PASD1: variants seen among roughly 807,000 people sequenced by gnomAD.
PASD1 encodes PAS domain containing repressor 1.
PASD1 carries 13 observed loss-of-function variants against 58.8 expected under a neutral mutation model. That is an observed-to-expected ratio of 0.22 (90% CI 0.14 to 0.35). The LOEUF is 0.35. PASD1 is among the 10% of genes least tolerant of loss of function. The pLI, the probability that PASD1 is intolerant of heterozygous loss-of-function variation, is 1.00. For missense variants in PASD1, 734 were observed against 568.3 expected (o/e 1.29, Z -2.96); for synonymous variants, 236 against 216.7 (o/e 1.09, Z -0.78).
At chrX:151,625,952 A>T (rs1467053105) in intron 8 of PASD1, among the ~76,000 whole-genome samples, 1 of 111,710 alleles carries the variant, frequency 9.0e-6, no homozygotes, top group Non-Finnish European at 1.9e-5. Context: ...GTCTCTAAAT[A>T]AATAAATAAA....
intron 8 of PASD1, among the ~76,000 whole-genome samples, chrX:151,627,548 G>A (rs1181513957): frequency 9.0e-6 from 1 of 111,630 alleles, no homozygotes; most frequent in Non-Finnish European, 1.9e-5. Context: ...TCTTTTTTAT[G>A]GCTGCATGGT....
chrX:151,625,789 C>CA (rs757318667), intron 8 of PASD1, among the ~76,000 whole-genome samples: 101 of 110,235 alleles, frequency 9.2e-4, no homozygotes, highest in African/African-American at 2.7e-3. Flanking sequence ...ACAAAAAATA[C>CA]AAAAAAAATT....
intron 9 of PASD1, among the ~76,000 whole-genome samples, chrX:151,656,074 T>G (rs1272428517): frequency 8.9e-6 from 1 of 112,143 alleles, no homozygotes; most frequent in African/African-American, 3.2e-5. Flanking sequence ...TCAACATATG[T>G]CTAGCCAGTT....
rs1602973269 is a variant in PASD1 at position 151,676,129 on chromosome X, A to G, written c.2308A>G (p.Asn770Asp). 8.3e-7 allele frequency: 1 copy of G among 1,209,550 alleles called. No individual in the cohort carries two copies. Among genetic ancestry groups the G allele is most frequent in the African/African-American group, 1.7e-5 (1 of 57,586 alleles). Residue 770 changes from asparagine to aspartate, a missense_variant, in exon 16 of 16, where the codon AAT becomes GAT. By Grantham distance (23) the Asn-to-Asp change is conservative (BLOSUM62 1). Coordinates refer to ENST00000370357, the MANE Select transcript of PASD1 (RefSeq NM_173493.3). The part of the protein sequence containing the change: ...RLMPAEQRDS[N>D]KPC ...GATGCCTGCAGAGCAACGTGACTCA[A>G]ATAAGCCGTGCTAACAGTACTTTCA...
At chrX:151,674,827 C>CT (rs1166461613) in intron 15 of PASD1, among the ~76,000 whole-genome samples, 38 of 107,965 alleles carry the variant, frequency 3.5e-4, no homozygotes, top group South Asian at 8.0e-4. Flanking sequence ...ATAGCCTAAC[C>CT]TTTTTTTTTT....
At chrX:151,566,364 G>A (rs1360929472) in intron 1 of PASD1, among the ~76,000 whole-genome samples, 1 of 112,312 alleles carries the variant, frequency 8.9e-6, no homozygotes, top group East Asian at 2.8e-4. Context: ...GATTTAGATT[G>A]GGTTTTAAGT....
intron 1 of PASD1, among the ~76,000 whole-genome samples, chrX:151,576,527 A>G (rs1438778646): frequency 8.9e-6 from 1 of 112,380 alleles, no homozygotes; most frequent in Non-Finnish European, 1.9e-5. Flanking sequence ...TAAAGTGCAA[A>G]TCATATTTTA....
At chrX:151,579,803 A>C (rs112497203) in intron 1 of PASD1, among the ~76,000 whole-genome samples, 2,199 of 111,992 alleles carry the variant, frequency 0.02, 22 homozygotes, top group Non-Finnish European at 0.033. Context: ...ACAAGATTAC[A>C]CATGTTGGAT....
chrX:151,646,737 G>A (rs1440556911), intron 8 of PASD1, among the ~76,000 whole-genome samples: 1 of 112,180 alleles, frequency 8.9e-6, no homozygotes, highest in African/African-American at 3.2e-5. Context: ...GGCAGACTTG[G>A]GATGAAGGAT....
chrX:151,660,996 A>G (rs2014302135), intron 10 of PASD1, among the ~76,000 whole-genome samples: 1 of 111,128 alleles, frequency 9.0e-6, no homozygotes, highest in African/African-American at 3.3e-5. Flanking sequence ...TACTAAAAAT[A>G]CAAAAAATTA....
intron 10 of PASD1, among the ~76,000 whole-genome samples, chrX:151,663,131 T>A (rs2014331885): frequency 9.0e-6 from 1 of 111,697 alleles, no homozygotes; most frequent in South Asian, 3.8e-4. Context: ...ATGTTGAGAG[T>A]CATGTATCCA....
chrX:151,660,573 A>G (rs1323977260), intron 10 of PASD1, among the ~76,000 whole-genome samples: 2 of 112,637 alleles, frequency 1.8e-5, no homozygotes, highest in African/African-American at 6.4e-5. Context: ...CCATGAACTC[A>G]TAATTGTGAT....
chrX:151,674,826 C>T (rs1235456547), intron 15 of PASD1, among the ~76,000 whole-genome samples: 1 of 111,896 alleles, frequency 8.9e-6, no homozygotes, highest in African/African-American at 3.3e-5. Flanking sequence ...TATAGCCTAA[C>T]CTTTTTTTTT....
intron 3 of PASD1, among the ~76,000 whole-genome samples, chrX:151,609,587 C>T (rs76529111): frequency 0.24 from 26,855 of 111,254 alleles, 2,860 homozygotes; most frequent in Non-Finnish European, 0.34. Context: ...TGACATGTTT[C>T]GCTTAGTATA....
intron 9 of PASD1, among the ~76,000 whole-genome samples, chrX:151,654,826 ATTTC>A (rs962334485): frequency 9.1e-6 from 1 of 110,357 alleles, no homozygotes; most frequent in African/African-American, 3.3e-5. Context: ...AACTCAGGGT[ATTTC>A]TTTGTTTTGA....
chrX:151,639,646 C>T (rs1165259380), intron 8 of PASD1, among the ~76,000 whole-genome samples: 1 of 111,744 alleles, frequency 8.9e-6, no homozygotes, highest in Non-Finnish European at 1.9e-5. Flanking sequence ...CTCTTCCTCC[C>T]TGCTTTCTAC....
At chrX:151,659,604 G>A in intron 9 of PASD1, 109 bp from the exon 10 acceptor site, 1 of 767,022 alleles carries the variant, frequency 1.3e-6, no homozygotes, top group South Asian at 3.1e-5. Flanking sequence ...TTGCAGCAGT[G>A]TTAGAAATTG....
At chrX:151,636,998 A>G (rs2013939387) in intron 8 of PASD1, among the ~76,000 whole-genome samples, 1 of 112,266 alleles carries the variant, frequency 8.9e-6, no homozygotes, top group African/African-American at 3.2e-5. Flanking sequence ...GGAGTCATAC[A>G]GTATGTAATC....
At chrX:151,666,867 C>T (rs1484661665) in intron 11 of PASD1, among the ~76,000 whole-genome samples, 3 of 105,958 alleles carry the variant, frequency 2.8e-5, no homozygotes, top group Non-Finnish European at 3.8e-5. Flanking sequence ...GTCTTTATAG[C>T]AGCATGATTT....
Sources: allele counts gnomAD v4.1 joint callset (sites outside exome capture counted in the v4.1 genomes callset), GRCh38; gene constraint gnomAD v4.1.1; transcripts MANE v1.5; gene names NCBI Gene and HGNC (gene_info 2026-07-23, HGNC 2026-07-21).